Variants in MYH4 observed in about 807,000 individuals in gnomAD.
The protein encoded by MYH4 is myosin-4.
MYH4 carries 200 observed loss-of-function variants against 229.9 expected under a neutral mutation model. The observed-to-expected ratio is 0.87, with a 90% CI of 0.78 to 0.98. The LOEUF (loss-of-function observed/expected upper bound fraction) is 0.98, where lower values mean the gene tolerates loss of function less well. Among genes scored for constraint, MYH4 ranks in the 50% least tolerant of loss-of-function variants. The pLI is 0.00. For synonymous variants in MYH4, 761 were observed against 834.6 expected (o/e 0.91, Z 1.52); for missense variants, 2,148 against 2,332.6 (o/e 0.92, Z 1.63).
At position 10,448,730 on chromosome 17, in the gene MYH4, G is replaced by A; in HGVS notation, c.4419C>T (p.Ala1473=). The stretch of plus-strand genomic sequence containing the variant: ...TGAGAGAACGCGACTCCTTCTGGGA[G>A]GCCTCAAGTTCAGCCTGAGTTTCCT... The part of the protein sequence containing the change: ...KYEETQAELE[A]SQKESRSLST... Residue 1473 remains alanine, a synonymous_variant, in exon 32 of 40, where the codon GCC becomes GCT. Coordinates refer to ENST00000255381, the MANE Select transcript of MYH4 (RefSeq NM_017533.2). 1 of 1,614,086 alleles carries A rather than the reference G, an allele frequency of 6.2e-7. No homozygotes were observed. The highest frequency in any genetic ancestry group is 8.5e-7 in the Non-Finnish European group (1 of 1,180,012).
chr17:10,453,387 CA>C lies in MYH4; in HGVS notation c.2935-60del. The C allele has an allele frequency of 1.9e-6, 3 of 1,612,108 alleles. No homozygotes were observed. In the South Asian group the frequency reaches 3.3e-5, roughly 18 times the overall value. Reference sequence around the variant, plus strand: ...GACAACGTATTATCTTGATGAAAAACATGATGCTGTAGTATCTTAGGATAAT... The same window carrying C: ...GACAACGTATTATCTTGATGAAAAACTGATGCTGTAGTATCTTAGGATAAT... On this transcript the variant is annotated intron_variant, in intron 23 of 39. Transcript: ENST00000255381.
chr17:10,456,595 G>A, intron 16 of MYH4, 40 bp from the exon 17 acceptor site: 4 of 1,537,112 alleles, frequency 2.6e-6, no homozygotes, highest in African/African-American at 1.4e-5. Context: ...ATTTGCAACT[G>A]CCTTTTAAGT....
Position 10,454,645 on chromosome 17 carries a change from C to T in MYH4, c.2601G>A (p.Leu867=). 6.2e-7 allele frequency: 1 copy of T among 1,614,154 alleles called. No homozygotes were observed. Among genetic ancestry groups the T allele is most frequent in the South Asian group, 1.1e-5 (1 of 91,076 alleles). ...CTTTCCTTTTTGCCTCTGTCTTAGC[C>T]AGCTCTTCTTTGGTTTTCTCAAATT... ...KEEFEKTKEE[L]AKTEAKRKEL... The change falls in exon 22 of 40, where the codon CTG becomes CTA. Residue 867 remains leucine, a synonymous_variant. Coordinates refer to ENST00000255381, the MANE Select transcript of MYH4 (RefSeq NM_017533.2).
chr17:10,452,580 T>G, intron 25 of MYH4, 74 bp from the exon 26 acceptor site: 1 of 1,434,132 alleles, frequency 7.0e-7, no homozygotes, highest in South Asian at 1.2e-5. Context: ...AATCTAAGAC[T>G]TTTTTTATAC....
intron 19 of MYH4, 31 bp from the exon 20 acceptor site, chr17:10,455,326 GT>G: frequency 6.3e-7 from 1 of 1,590,948 alleles, no homozygotes; most frequent in Non-Finnish European, 8.6e-7. Flanking sequence ...TAAAAATGTG[GT>G]TTTTCTTCAC....
intron 11 of MYH4, among the ~76,000 whole-genome samples, chr17:10,461,643 G>A (rs1457816319): frequency 1.3e-5 from 2 of 152,126 alleles, no homozygotes; most frequent in Non-Finnish European, 1.5e-5. Context: ...GCCTGGGGTA[G>A]CAAACTTTAC....
Position 10,453,660 on chromosome 17 carries a change from G to A in MYH4, c.2917C>T (p.His973Tyr), listed in dbSNP as rs145607822. The A allele has an allele frequency of 2.3e-5, 37 of 1,614,058 alleles. No individual in the cohort carries two copies. In the African/African-American group the frequency reaches 4.1e-4, roughly 18 times the overall value. Residue 973 changes from histidine to tyrosine, a missense_variant, in exon 23 of 40, where the codon CAT becomes TAT. His to Tyr is a moderately conservative substitution (Grantham distance 83). Coordinates refer to ENST00000255381, the MANE Select transcript of MYH4 (RefSeq NM_017533.2). Reference protein sequence around the residue: ...LTLAKVEKEKHATENKVKNLT... With the variant: ...LTLAKVEKEKYATENKVKNLT... ...ATTTGTACCTTGTTCTCTGTGGCAT[G>A]TTTCTCCTTCTCAACCTTGGCCAGT...
At position 10,448,572 on chromosome 17, in the gene MYH4, G is replaced by C. The variant is rs115647324; in HGVS notation, c.4531+46C>G. The C allele has an allele frequency of 4.3e-4, 696 of 1,610,522 alleles. 2 individuals carry two copies. The African/African-American group carries it at 8.2e-3, about 19-fold the overall frequency. On this transcript the variant is annotated intron_variant, in intron 32 of 39. Coordinates refer to ENST00000255381, the MANE Select transcript of MYH4 (RefSeq NM_017533.2). ...GTTAAGTAGAAAGAAAAATTGAAAA[G>C]ATGTCTCCCTACCATTTTTGAAATA...
chr17:10,445,947 G>A (rs1260823344), intron 35 of MYH4, among the ~76,000 whole-genome samples: 5 of 140,050 alleles, frequency 3.6e-5, no homozygotes, highest in Admixed American at 8.0e-5. Context: ...AGAATGGCGT[G>A]AACATGGGAG....
Position 10,462,928 on chromosome 17 carries a change from A to C in MYH4, c.945T>G (p.Phe315Leu). ...LITTNPYDFA[F>L]VSQGEITVPS... ...GCACAGTAATTTCCCCTTGGCTGACAAATGCGAAGTCATATGGGTTGGTGG... is the reference window on the plus strand; with the variant it reads ...GCACAGTAATTTCCCCTTGGCTGACCAATGCGAAGTCATATGGGTTGGTGG... Residue 315 changes from phenylalanine to leucine, a missense_variant, in exon 11 of 40, where the codon TTT becomes TTG. Phe to Leu is a conservative substitution (Grantham distance 22). Coordinates refer to ENST00000255381, the MANE Select transcript of MYH4 (RefSeq NM_017533.2). 1 of 1,614,130 alleles carries C rather than the reference A, an allele frequency of 6.2e-7. No individual in the cohort carries two copies. The highest frequency in any genetic ancestry group is 2.2e-5 in the East Asian group (1 of 44,882).
chr17:10,446,949 T>G, intron 35 of MYH4, 64 bp downstream of exon 35: 1 of 1,503,292 alleles, frequency 6.7e-7, no homozygotes, highest in East Asian at 2.3e-5. Context: ...TAAACAAGCT[T>G]ATCTTCTCAA....
intron 29 of MYH4, 46 bp downstream of exon 29, chr17:10,450,731 G>T: frequency 6.2e-7 from 1 of 1,609,616 alleles, no homozygotes; most frequent in Non-Finnish European, 8.5e-7. Flanking sequence ...AGTGTGTTAT[G>T]TTGCACGGTT....
chr17:10,448,290 G>T, intron 33 of MYH4, 106 bp downstream of exon 33: 4 of 1,373,616 alleles, frequency 2.9e-6, no homozygotes, highest in Non-Finnish European at 2.9e-6. Context: ...ATTTTTCACT[G>T]AATTACTTGT....
intron 11 of MYH4, among the ~76,000 whole-genome samples, chr17:10,461,574 T>G (rs889426460): frequency 2.0e-5 from 3 of 152,186 alleles, no homozygotes; most frequent in African/African-American, 7.2e-5. Context: ...CAGCAATGGT[T>G]GTGAGTCTTT....
In MYH4 at chr17:10,448,449, T is replaced by G; in HGVS notation, c.4603A>C (p.Lys1535Gln). The change falls in exon 33 of 40, where the codon AAA becomes CAA. Residue 1535 changes from lysine to glutamine, a missense_variant. By Grantham distance (53) the Lys-to-Gln change is moderately conservative. Coordinates refer to ENST00000255381, the MANE Select transcript of MYH4 (RefSeq NM_017533.2). ...TCACTCTTCTCATGATCAAGTTGTT[T>G]CTTTACTTTCTCCAGTTCATGGATA... The part of the protein sequence containing the change: ...KHIHELEKVK[K>Q]QLDHEKSELQ... 1 of 1,614,028 alleles carries G rather than the reference T, an allele frequency of 6.2e-7. No homozygotes were observed. The highest frequency in any genetic ancestry group is 2.2e-5 in the East Asian group (1 of 44,868).
intron 35 of MYH4, among the ~76,000 whole-genome samples, chr17:10,445,812 G>A (rs1301791106): frequency 6.6e-6 from 1 of 151,798 alleles, no homozygotes; most frequent in Non-Finnish European, 1.5e-5. Context: ...GCAGATCACG[G>A]GGTCAGGAGA....
At chr17:10,453,350 C>A in intron 23 of MYH4, 22 bp from the exon 24 acceptor site, 1 of 1,613,724 alleles carries the variant, frequency 6.2e-7, no homozygotes, top group Non-Finnish European at 8.5e-7. Flanking sequence ...AACAGATGAC[C>A]AGAATGTCAA....
At position 10,463,091 on chromosome 17, in the gene MYH4, A is replaced by C; in HGVS notation, c.903T>G (p.Ile301Met). The C allele has an allele frequency of 1.2e-6, 2 of 1,609,220 alleles. No homozygotes were observed. Among genetic ancestry groups the C allele is most frequent in the Non-Finnish European group, 8.5e-7 (1 of 1,175,932 alleles). ...AAATAAATCAAAGATGTGTCTTACC[A>C]ATGAGCTCTGGTTTCTTATTGGACA... The part of the protein sequence containing the change: ...QILSNKKPEL[I>M]EMLLITTNPY... The change falls in exon 10 of 40, where the codon ATT (isoleucine) becomes ATG (methionine). Residue 301 changes from isoleucine (I) to methionine (M), a missense_variant and splice_region_variant. Transcript: ENST00000255381.
Position 10,455,148 on chromosome 17 carries a change from GATAGAA to G in MYH4, c.2298+18_2298+23del, listed in dbSNP as rs1387695920. On this transcript the variant is annotated intron_variant, in intron 20 of 39. Transcript: ENST00000255381. ...GTCTAAAAGTGATAGAATTATGACA[GATAGAA>G]ATTTGGACTGGTGATACCTTGGTAT... 6.2e-7 allele frequency: 1 copy of G among 1,614,066 alleles called. No homozygotes were observed. The highest frequency in any genetic ancestry group is 1.7e-5 in the Admixed American group (1 of 60,024).
Sources: gnomAD v4.1 joint callset for allele counts (sites outside exome capture counted in the v4.1 genomes callset) on GRCh38, gnomAD v4.1.1 for gene constraint, MANE v1.5 for transcripts, NCBI Gene and HGNC (gene_info 2026-07-23, HGNC 2026-07-21) for gene names.